The following NRXN1 variants were observed in gnomAD, a reference collection of about 807,000 sequenced individuals.
NRXN1 encodes the protein neurexin-1.
NRXN1 carries 39 observed loss-of-function variants against 150.9 expected under a neutral mutation model. That is an observed-to-expected ratio of 0.26 (90% CI 0.20 to 0.34). The LOEUF is 0.34. Among genes scored for constraint, NRXN1 ranks in the 10% least tolerant of loss-of-function variants. NRXN1 has a pLI of 1.00. For missense variants in NRXN1, 1,815 were observed against 1,949.9 expected (o/e 0.93, Z 1.30); for synonymous variants, 924 against 757.0 (o/e 1.22, Z -3.62).
rs749965070 is a variant in NRXN1, at chr2:50,054,946, G to A, written c.3808+9C>T. ...TTTTTTATTTGAAGTTTTAATCAAT[G>A]TTTTTTACCTTTGTCGAGTAGCCAT... On this transcript the variant is annotated intron_variant, in intron 20 of 22. Transcript: ENST00000401669. The A allele has an allele frequency of 1.3e-6, 2 of 1,526,992 alleles. No homozygotes were observed. Among genetic ancestry groups the A allele is most frequent in the African/African-American group, 2.8e-5 (2 of 71,554 alleles). 94.6% of individuals were successfully genotyped at this position (1,526,992 alleles called of 1,614,324 possible).
intron 5 of NRXN1, among the ~76,000 whole-genome samples, chr2:50,702,057 C>T (rs774358634): frequency 6.6e-6 from 1 of 151,758 alleles, no homozygotes; most frequent in Non-Finnish European, 1.5e-5. Flanking sequence ...AATTGGGTTT[C>T]CAAAAAGATT....
chr2:50,558,858 C>A (rs976553146), intron 8 of NRXN1, among the ~76,000 whole-genome samples: 1 of 151,960 alleles, frequency 6.6e-6, no homozygotes, highest in Non-Finnish European at 1.5e-5. Context: ...GGGCGGATCA[C>A]GAGGTCAGGA....
intron 5 of NRXN1, among the ~76,000 whole-genome samples, chr2:50,804,049 T>C (rs575476668): frequency 1.3e-5 from 2 of 152,280 alleles, no homozygotes; most frequent in East Asian, 3.9e-4. Context: ...CAGTAGAAAA[T>C]GAAGATAAGT....
At chr2:50,701,142 A>G (rs1693686501) in intron 5 of NRXN1, among the ~76,000 whole-genome samples, 1 of 152,134 alleles carries the variant, frequency 6.6e-6, no homozygotes, top group Non-Finnish European at 1.5e-5. Flanking sequence ...TATTTATCAC[A>G]CCTTGTCTAT....
chr2:50,746,897 T>C (rs1700090481), intron 5 of NRXN1, among the ~76,000 whole-genome samples: 2 of 152,110 alleles, frequency 1.3e-5, no homozygotes, highest in African/African-American at 4.8e-5. Flanking sequence ...ATGCTCTGGG[T>C]TGGAAGCAAA....
chr2:50,369,934 A>T (rs1312652378), intron 17 of NRXN1, among the ~76,000 whole-genome samples: 1 of 152,022 alleles, frequency 6.6e-6, no homozygotes, highest in East Asian at 1.9e-4. Context: ...TGTAGAAGAA[A>T]GGCCAAAAGG....
chr2:50,310,039 T>C (rs1255686565), intron 17 of NRXN1, among the ~76,000 whole-genome samples: 1 of 152,130 alleles, frequency 6.6e-6, no homozygotes, highest in African/African-American at 2.4e-5. Context: ...TGTGCACTAA[T>C]AGACAGCAAA....
chr2:50,027,104 G>C (rs1388001131), intron 21 of NRXN1, among the ~76,000 whole-genome samples: 1 of 151,366 alleles, frequency 6.6e-6, no homozygotes, highest in East Asian at 2.0e-4. Context: ...GGATGGTCTC[G>C]ATCTCCTGAC....
chr2:50,086,847 AG>A (rs1698855027), intron 19 of NRXN1, among the ~76,000 whole-genome samples: 1 of 150,692 alleles, frequency 6.6e-6, no homozygotes, highest in Non-Finnish European at 1.5e-5. Context: ...AGAGAGAGAG[AG>A]AGCGAGCCGA....
At chr2:50,150,576 GTACATCTT>G (rs775948248) in intron 18 of NRXN1, among the ~76,000 whole-genome samples, 79 of 151,816 alleles carry the variant, frequency 5.2e-4, no homozygotes, top group South Asian at 1.7e-3. Context: ...CTGTCATTTT[GTACATCTT>G]TACAATTTCT....
chr2:50,683,649 AT>A (rs1281164263), intron 5 of NRXN1, among the ~76,000 whole-genome samples: 2 of 92,438 alleles, frequency 2.2e-5, no homozygotes, highest in East Asian at 4.2e-4. Flanking sequence ...AAAAAAAAAT[AT>A]ATATATATAT....
intron 5 of NRXN1, among the ~76,000 whole-genome samples, chr2:50,791,310 G>A (rs1186585089): frequency 1.8e-5 from 1 of 55,062 alleles, no homozygotes; most frequent in East Asian, 8.5e-4. Context: ...CAAACTGCTT[G>A]CTACAAAAAA....
intron 5 of NRXN1, among the ~76,000 whole-genome samples, chr2:50,807,635 A>T (rs1667678766): frequency 6.6e-6 from 1 of 152,136 alleles, no homozygotes; most frequent in African/African-American, 2.4e-5. Flanking sequence ...TTGCAAAAGG[A>T]GCTCTTCAAG....
At chr2:50,104,642 T>C (rs13030305) in intron 18 of NRXN1, among the ~76,000 whole-genome samples, 49,968 of 151,794 alleles carry the variant, frequency 0.33, 8,633 homozygotes, top group Non-Finnish European at 0.37. Context: ...CGTATGAATA[T>C]ATATGATTAT....
rs80123591 is a variant in NRXN1, at chr2:50,542,331, G to A, written c.1760-3695C>T. Among the ~76,000 whole-genome samples the A allele has an allele frequency of 3.9e-3, 592 of 152,060 alleles. 1 individual carries two copies. Among genetic ancestry groups the A allele is most frequent in the African/African-American group, 0.013 (534 of 41,530 alleles). On this transcript the variant is annotated intron_variant, in intron 9 of 22. Transcript: ENST00000401669. ...AGATAGAGAACAAGCAACAAAACAT[G>A]AGACAGAAAGAAAAAGGGATATAAT...
chr2:50,326,821 C>G (rs187402497), intron 17 of NRXN1, among the ~76,000 whole-genome samples: 20 of 152,242 alleles, frequency 1.3e-4, no homozygotes, highest in African/African-American at 4.6e-4. Flanking sequence ...ACCTATGGTG[C>G]AATTTACTGT....
intron 18 of NRXN1, among the ~76,000 whole-genome samples, chr2:50,142,700 T>G (rs1179578077): frequency 6.6e-6 from 1 of 151,890 alleles, no homozygotes; most frequent in Non-Finnish European, 1.5e-5. Context: ...GCTAAAAAAT[T>G]TATCAGACCA....
intron 18 of NRXN1, among the ~76,000 whole-genome samples, chr2:50,137,546 G>C (rs1706607155): frequency 6.6e-6 from 1 of 151,894 alleles, no homozygotes; most frequent in Non-Finnish European, 1.5e-5. Context: ...AAATTAAAAA[G>C]AAGAAATGTA....
chr2:50,863,161 G>A (rs1480203532), intron 5 of NRXN1, among the ~76,000 whole-genome samples: 2 of 152,010 alleles, frequency 1.3e-5, no homozygotes, highest in Non-Finnish European at 2.9e-5. Flanking sequence ...TACACTAACA[G>A]CTTAGAAGTC....
Sources: allele counts gnomAD v4.1 joint callset (sites outside exome capture counted in the v4.1 genomes callset), GRCh38; gene constraint gnomAD v4.1.1; transcripts MANE v1.5; gene names NCBI Gene and HGNC (gene_info 2026-07-23, HGNC 2026-07-21).